ZFAT: variants seen among roughly 807,000 people sequenced by gnomAD.
ZFAT encodes the protein zinc finger and AT-hook domain containing, also known as zinc finger protein ZFAT.
ZFAT carries 64 observed loss-of-function variants against 117.7 expected under a neutral mutation model. That is an observed-to-expected ratio of 0.54 (90% CI 0.44 to 0.67). The LOEUF (loss-of-function observed/expected upper bound fraction) is 0.67. Ranked by LOEUF, ZFAT falls within the 30% of genes least tolerant of loss-of-function variation. The probability of loss-of-function intolerance (pLI) is 0.00; values close to 1 mark genes in which losing one functional copy is unlikely to be tolerated. For missense variants in ZFAT, 1,433 were observed against 1,584.5 expected, an observed-to-expected ratio of 0.90 and a Z score of 1.62; for synonymous variants, 679 against 615.0, an observed-to-expected ratio of 1.10 and a Z score of -1.54.
rs1432645610 is a variant in ZFAT at position 134,712,991 on chromosome 8, G to A, written c.-128C>T. ...TTTTTATTTTTTTAAGAAAAGAGCC[G>A]GCGAGGTTATGGCGAATCTGCGGCA... On this transcript the variant is annotated 5_prime_UTR_variant, in exon 1 of 16. Transcript: ENST00000377838. The A allele has an allele frequency of 6.0e-6, 7 of 1,172,788 alleles. No individual in the cohort carries two copies. Among genetic ancestry groups the A allele is most frequent in the African/African-American group, 1.6e-5 (1 of 61,298 alleles). The allele number at this position is 1,172,788 out of a possible 1,614,324, so 72.6% of individuals were successfully genotyped here.
the ZFAT span, among the ~76,000 whole-genome samples, chr8:134,747,789 C>A: frequency 6.6e-6 from 1 of 152,012 alleles, no homozygotes; most frequent in Non-Finnish European, 1.5e-5. Context: ...TATCTAATTC[C>A]TTTTTTATTA....
chr8:134,497,861 G>T (rs370980710), intron 15 of ZFAT, among the ~76,000 whole-genome samples: 187 of 113,098 alleles, frequency 1.7e-3, no homozygotes, highest in South Asian at 6.4e-3. Flanking sequence ...GGTGGAGCCG[G>T]GATGCCCCAG....
At chr8:134,587,526 C>A (rs1826155258) in intron 9 of ZFAT, among the ~76,000 whole-genome samples, 1 of 149,606 alleles carries the variant, frequency 6.7e-6, no homozygotes, top group African/African-American at 2.6e-5. Context: ...AGGTTCCTAA[C>A]TAACAGGCAG....
At chr8:134,577,682 G>A (rs186990906) in intron 10 of ZFAT, among the ~76,000 whole-genome samples, 13 of 152,246 alleles carry the variant, frequency 8.5e-5, no homozygotes, top group Admixed American at 3.9e-4. Flanking sequence ...GTAGTAAGTC[G>A]AAAATCTCTG....
At chr8:134,779,807 A>G in the ZFAT span, among the ~76,000 whole-genome samples, 1 of 152,184 alleles carries the variant, frequency 6.6e-6, no homozygotes, top group Non-Finnish European at 1.5e-5. Context: ...CCTGTCATCT[A>G]CATCAATCTT....
chr8:134,516,727 G>T (rs1024780046), intron 13 of ZFAT, among the ~76,000 whole-genome samples: 2 of 152,054 alleles, frequency 1.3e-5, no homozygotes, highest in African/African-American at 4.8e-5. Flanking sequence ...CTACTTGGAA[G>T]ATAGTAGATA....
At chr8:134,586,159 G>C (rs1267816268) in intron 9 of ZFAT, among the ~76,000 whole-genome samples, 1 of 152,048 alleles carries the variant, frequency 6.6e-6, no homozygotes, top group Non-Finnish European at 1.5e-5. Flanking sequence ...TTATAAATTA[G>C]AGAGGAAAAA....
chr8:134,569,056 T>A (rs1824685444), intron 10 of ZFAT, among the ~76,000 whole-genome samples: 1 of 151,852 alleles, frequency 6.6e-6, no homozygotes, highest in Non-Finnish European at 1.5e-5. Flanking sequence ...AGAAAAGAGG[T>A]TGACTGATAA....
chr8:134,657,421 G>A (rs1315046733), intron 2 of ZFAT, 140 bp downstream of exon 2: 2 of 858,954 alleles, frequency 2.3e-6, no homozygotes, highest in East Asian at 2.6e-5. Flanking sequence ...AATCTTATTT[G>A]AGCATATCTA....
the ZFAT span, among the ~76,000 whole-genome samples, chr8:134,778,237 C>T: frequency 9.2e-5 from 14 of 152,154 alleles, 1 homozygote; most frequent in African/African-American, 3.1e-4. Context: ...CAAGAGAAAA[C>T]CCACCAGCAT....
chr8:134,705,102 C>T (rs529139339), intron 1 of ZFAT, among the ~76,000 whole-genome samples: 2 of 152,304 alleles, frequency 1.3e-5, no homozygotes, highest in South Asian at 4.1e-4. Context: ...AACATACACA[C>T]ACACACATAT....
At chr8:134,651,331 T>C (rs1831227038) in intron 2 of ZFAT, among the ~76,000 whole-genome samples, 2 of 152,194 alleles carry the variant, frequency 1.3e-5, no homozygotes, top group Middle Eastern at 3.2e-3. Context: ...ATGCATACAA[T>C]GAAATATCAC....
chr8:134,705,119 C>A (rs1834113480), intron 1 of ZFAT, among the ~76,000 whole-genome samples: 1 of 152,058 alleles, frequency 6.6e-6, no homozygotes, highest in Admixed American at 6.6e-5. Flanking sequence ...ATATATACAA[C>A]AAAAGACAAA....
the ZFAT span, among the ~76,000 whole-genome samples, chr8:134,746,396 A>T: frequency 6.6e-6 from 1 of 152,238 alleles, no homozygotes; most frequent in Non-Finnish European, 1.5e-5. Flanking sequence ...GAACACCGCA[A>T]GACCATCACC....
chr8:134,701,468 C>T (rs1277008376), intron 1 of ZFAT, among the ~76,000 whole-genome samples: 1 of 152,202 alleles, frequency 6.6e-6, no homozygotes, highest in African/African-American at 2.4e-5. Flanking sequence ...CTGTTATGAA[C>T]ATGGGTATAC....
At chr8:134,815,835 T>C in the ZFAT span, among the ~76,000 whole-genome samples, 1 of 152,234 alleles carries the variant, frequency 6.6e-6, no homozygotes, top group Non-Finnish European at 1.5e-5. Flanking sequence ...GAAGTGGGCT[T>C]TCACCACAGC....
chr8:134,552,419 A>G (rs1823233719), intron 11 of ZFAT, among the ~76,000 whole-genome samples: 1 of 152,224 alleles, frequency 6.6e-6, no homozygotes, highest in South Asian at 2.1e-4. Context: ...CTCAATGATA[A>G]TGAAATCGGT....
At chr8:134,737,667 C>G in the ZFAT span, among the ~76,000 whole-genome samples, 2 of 152,216 alleles carry the variant, frequency 1.3e-5, no homozygotes, top group African/African-American at 4.8e-5. Flanking sequence ...GGGGAGTACC[C>G]TGACTCGGAT....
the ZFAT span, chr8:134,800,391 CT>C: frequency 2.5e-6 from 1 of 397,578 alleles, no homozygotes. Flanking sequence ...AATTAACACA[CT>C]TTTTCTCTGG....
Sources: gnomAD v4.1 joint callset for allele counts (sites outside exome capture counted in the v4.1 genomes callset) on GRCh38, gnomAD v4.1.1 for gene constraint, MANE v1.5 for transcripts, NCBI Gene and HGNC (gene_info 2026-07-23, HGNC 2026-07-21) for gene names.